The following CEP131 variants were observed in gnomAD, a reference collection of about 807,000 sequenced individuals.
The protein encoded by CEP131 is centrosomal protein of 131 kDa.
Under a neutral mutation model 136.8 loss-of-function variants are expected in CEP131, and 99 were observed. The ratio of observed to expected loss-of-function variants is 0.72; its 90% CI spans 0.62 to 0.86. The LOEUF is 0.86. CEP131 is among the 40% of genes least tolerant of loss of function. The pLI, the probability that CEP131 is intolerant of heterozygous loss-of-function variation, is 0.00. For synonymous variants in CEP131, 646 were observed against 612.7 expected (o/e 1.05, Z -0.80); for missense variants, 1,459 against 1,463.0 (o/e 1.00, Z 0.04).
chr17:81,198,216 G>C lies in CEP131; in HGVS notation c.1369C>G (p.Leu457Val), dbSNP rs1472085168. The C allele has an allele frequency of 6.3e-7, 1 of 1,597,860 alleles. No individual in the cohort carries two copies. The highest frequency in any genetic ancestry group is 1.7e-5 in the Admixed American group (1 of 58,762). ...TGCAGTGTGTGCAGCAGCTCCTCCA[G>C]TGGCCCCCTGGACTTGGCGCTCCCC... ...SRGSAKSRGP[L>V]EELLHTLQLL... Residue 457 changes from leucine to valine, a missense_variant, in exon 12 of 26, where the codon CTG becomes GTG. Physicochemically the swap from Leu to Val is conservative, Grantham distance 32. Around this residue, in one of 3 missense-constraint regions of CEP131, gnomAD observed 1,026 missense variants for 964.2 expected, o/e 1.06. Coordinates refer to ENST00000450824, the MANE Select transcript of CEP131 (RefSeq NM_014984.4).
chr17:81,198,372 G>C (rs78180433), intron 11 of CEP131, 75 bp from the exon 12 acceptor site: 2 of 1,444,810 alleles, frequency 1.4e-6, no homozygotes, highest in East Asian at 2.5e-5. Context: ...GAGGCCAACC[G>C]CAGAGCCCCA....
At chr17:81,214,465 A>T (rs2062200720) in intron 2 of CEP131, among the ~76,000 whole-genome samples, 1 of 152,300 alleles carries the variant, frequency 6.6e-6, no homozygotes, top group South Asian at 2.1e-4. Context: ...CTGAGGCAGG[A>T]GAATCACTTG....
chr17:81,191,367 ACCCG>A (rs2061637739), intron 21 of CEP131, 32 bp from the exon 22 acceptor site: 1 of 1,611,100 alleles, frequency 6.2e-7, no homozygotes, highest in Non-Finnish European at 8.5e-7. Flanking sequence ...GGGGGTTGCC[ACCCG>A]GAGCCGGCCC....
intron 16 of CEP131, 35 bp from the exon 17 acceptor site, chr17:81,195,007 A>T: frequency 1.9e-6 from 3 of 1,547,006 alleles, no homozygotes; most frequent in Non-Finnish European, 2.7e-6. Context: ...AAACGACACG[A>T]AGGACACCCC....
chr17:81,198,946 G>C lies in CEP131; in HGVS notation c.1218C>G (p.Pro406=). 2.5e-6 allele frequency: 4 copies of C among 1,582,832 alleles called. No homozygotes were observed. The highest frequency in any genetic ancestry group is 3.4e-6 in the Non-Finnish European group (4 of 1,166,294). ...NTGGGLPAAG[P]GDRCLPTSDS... ...CGGAGGTGGGCAGGCAGCGGTCTCCGGGGCCTGCAGCAGGGAGGCCACCAC... is the reference window on the plus strand; with the variant it reads ...CGGAGGTGGGCAGGCAGCGGTCTCCCGGGCCTGCAGCAGGGAGGCCACCAC... Residue 406 remains proline, a synonymous_variant, in exon 11 of 26, where the codon CCC becomes CCG. Coordinates refer to ENST00000450824, the MANE Select transcript of CEP131 (RefSeq NM_014984.4).
chr17:81,202,045 G>A (rs1273853354), intron 7 of CEP131, among the ~76,000 whole-genome samples, 195 bp downstream of exon 7: 2 of 151,410 alleles, frequency 1.3e-5, no homozygotes, highest in Non-Finnish European at 2.9e-5. Context: ...AGCTTGCAGC[G>A]AGCAGAGATC....
In CEP131 at chr17:81,194,976, C is replaced by A. The variant is rs148448761; in HGVS notation, c.2017-4G>T. On this transcript the variant is annotated splice_polypyrimidine_tract_variant and splice_region_variant and intron_variant, in intron 16 of 25. Coordinates refer to ENST00000450824, the MANE Select transcript of CEP131 (RefSeq NM_014984.4). ...ATTCTTTGAGTTTTTTAATCTCCTA[C>A]GAGCAGAACAGGGCAGGAGGAAACG... The A allele has an allele frequency of 6.2e-7, 1 of 1,608,308 alleles. No homozygotes were observed. Among genetic ancestry groups the A allele is most frequent in the African/African-American group, 1.3e-5 (1 of 74,944 alleles).
At chr17:81,206,656 C>T (rs890484371) in intron 5 of CEP131, 88 bp downstream of exon 5, 47 of 1,482,582 alleles carry the variant, frequency 3.2e-5, no homozygotes, top group African/African-American at 7.0e-5. Flanking sequence ...GCACCCTGAA[C>T]GAGCCATAAA....
At chr17:81,196,035 G>C (rs1329986622) in intron 15 of CEP131, 84 bp from the exon 16 acceptor site, 4 of 1,178,284 alleles carry the variant, frequency 3.4e-6, no homozygotes, top group East Asian at 2.4e-5. Context: ...CCCAGCCTCC[G>C]AGGGAGGCTA....
At chr17:81,221,124 C>CAAAAAAAA (rs760838378) in intron 1 of CEP131, among the ~76,000 whole-genome samples, 1 of 53,864 alleles carries the variant, frequency 1.9e-5, no homozygotes, top group Non-Finnish European at 3.4e-5. Flanking sequence ...GACTCCATCT[C>CAAAAAAAA]AAAAAAAAAA....
rs2062328695 is a variant in CEP131, at chr17:81,219,253, C to CA, written c.177+626dup. ...CCCGTCTAGGTTTCTCCAAGGCCAC[C>CA]AGGAGCTCATCACCCCTCCCCACAG... is the stretch of plus-strand genomic sequence containing the variant. On this transcript the variant is annotated intron_variant, in intron 2 of 25. Coordinates refer to ENST00000450824, the MANE Select transcript of CEP131 (RefSeq NM_014984.4). This position sits in a 1 kb window ranked among gnomAD's most constrained non-coding sequence, Gnocchi z 4.0. Among the ~76,000 whole-genome samples the CA allele has an allele frequency of 6.7e-6, 1 of 149,912 alleles. No individual in the cohort carries two copies. Among genetic ancestry groups the CA allele is most frequent in the Non-Finnish European group, 1.5e-5 (1 of 67,234 alleles).
At chr17:81,198,643 C>T (rs373679778) in intron 11 of CEP131, among the ~76,000 whole-genome samples, 1 of 152,198 alleles carries the variant, frequency 6.6e-6, no homozygotes, top group African/African-American at 2.4e-5. Context: ...CAAGGCCCCC[C>T]ACCCCAGGAC....
In CEP131 at chr17:81,192,696, A is replaced by AG. The variant is rs769185324; in HGVS notation, c.2429+39dup. On this transcript the variant is annotated intron_variant, in intron 19 of 25. Transcript: ENST00000450824. Reference sequence around the variant, plus strand: ...GGCGGGGGGGAGGGGTCAGCCAGCGAGGGGTCCCTGGGAGAGGGCGTGGTG... The same window carrying AG: ...GGCGGGGGGGAGGGGTCAGCCAGCGAGGGGGTCCCTGGGAGAGGGCGTGGTG... The AG allele has an allele frequency of 4.2e-5, 61 of 1,452,352 alleles. No individual in the cohort carries two copies. The African/African-American group carries it at 5.6e-4, about 13-fold the overall frequency. The allele number at this position is 1,452,352 out of a possible 1,614,324, so 90.0% of individuals were successfully genotyped here.
chr17:81,199,350 C>T (rs767133411), intron 10 of CEP131, 31 bp downstream of exon 10: 3 of 1,570,510 alleles, frequency 1.9e-6, no homozygotes, highest in African/African-American at 1.3e-5. Context: ...GTCCACCCCC[C>T]AGAGCAGGGC....
chr17:81,215,702 G>A lies in CEP131; in HGVS notation c.177+4178C>T, dbSNP rs995195297. On this transcript the variant is annotated intron_variant, in intron 2 of 25. Coordinates refer to ENST00000450824, the MANE Select transcript of CEP131 (RefSeq NM_014984.4). The surrounding 1 kb of genome is among the most constrained non-coding windows in gnomAD (Gnocchi z 4.1). ...GCTGGGATTACAGGCACGGGCCACCGCACCTGGCCCCCCTTTCAAAATTTT... is the reference window on the plus strand; with the variant it reads ...GCTGGGATTACAGGCACGGGCCACCACACCTGGCCCCCCTTTCAAAATTTT... Among the ~76,000 whole-genome samples, 3 of 151,120 alleles carry A rather than the reference G, an allele frequency of 2.0e-5. No homozygotes were observed. Among genetic ancestry groups the A allele is most frequent in the East Asian group, 2.0e-4 (1 of 4,994 alleles).
chr17:81,189,981 G>C lies in CEP131; in HGVS notation c.3108-6C>G. On this transcript the variant is annotated splice_region_variant and splice_polypyrimidine_tract_variant and intron_variant, in intron 24 of 25. Coordinates refer to ENST00000450824, the MANE Select transcript of CEP131 (RefSeq NM_014984.4). ...TCGCGAGGGCTGTCTTCACCCTGTG[G>C]GTAGTACATGGTAGGCTTCAGTGTG... is the stretch of plus-strand genomic sequence containing the variant. 1 of 1,600,014 alleles carries C rather than the reference G, an allele frequency of 6.2e-7. No individual in the cohort carries two copies. The highest frequency in any genetic ancestry group is 8.5e-7 in the Non-Finnish European group (1 of 1,170,338).
intron 2 of CEP131, 45 bp from the exon 3 acceptor site, chr17:81,209,067 T>A (rs753736296): frequency 7.0e-7 from 1 of 1,423,636 alleles, no homozygotes; most frequent in Non-Finnish European, 9.8e-7. Context: ...AAAGGCTCAC[T>A]CACCAGTTTG....
chr17:81,196,347 C>T (rs913043970), intron 15 of CEP131, among the ~76,000 whole-genome samples: 23 of 152,210 alleles, frequency 1.5e-4, no homozygotes, highest in African/African-American at 5.3e-4. Flanking sequence ...CAGGTCAGGA[C>T]ACACCTGTGA....
At chr17:81,214,257 AT>A (rs2062195110) in intron 2 of CEP131, among the ~76,000 whole-genome samples, 3 of 152,352 alleles carry the variant, frequency 2.0e-5, no homozygotes, top group Middle Eastern at 6.8e-3. Context: ...TAAAAGGTTT[AT>A]TTTTAAAAAT....
Sources: allele counts gnomAD v4.1 joint callset (sites outside exome capture counted in the v4.1 genomes callset), GRCh38; gene constraint gnomAD v4.1.1; regional missense constraint gnomAD v4.1.1; non-coding constraint Gnocchi (gnomAD v3.1); transcripts MANE v1.5; gene names NCBI Gene and HGNC (gene_info 2026-07-23, HGNC 2026-07-21).